The following LUC7L3 variants were observed in gnomAD, a reference collection of about 807,000 sequenced individuals.
The protein encoded by LUC7L3 is LUC7 like 3 pre-mRNA splicing factor.
A neutral mutation model predicts 66.8 loss-of-function variants in LUC7L3; 6 were observed. The ratio of observed to expected loss-of-function variants is 0.09; its 90% CI spans 0.05 to 0.18. LUC7L3 has a LOEUF of 0.18. Ranked by LOEUF, LUC7L3 falls within the 10% of genes least tolerant of loss-of-function variation. The probability of loss-of-function intolerance (pLI) is 1.00; values close to 1 mark genes in which losing one functional copy is unlikely to be tolerated. For synonymous variants in LUC7L3, 160 were observed against 174.7 expected (o/e 0.92, Z 0.66); for missense variants, 341 against 531.1 (o/e 0.64, Z 3.52).
At chr17:50,721,183 T>TA (rs1597879654) in intron 1 of LUC7L3, among the ~76,000 whole-genome samples, 1 of 152,150 alleles carries the variant, frequency 6.6e-6, no homozygotes. Flanking sequence ...CTAAGTAAGG[T>TA]AAAAAACCAA....
chr17:50,746,606 C>G lies in LUC7L3; in HGVS notation c.1042C>G (p.Arg348Gly). 6.2e-7 allele frequency: 1 copy of G among 1,613,888 alleles called. No individual in the cohort carries two copies. The highest frequency in any genetic ancestry group is 8.5e-7 in the Non-Finnish European group (1 of 1,179,948). Residue 348 changes from arginine (R) to glycine (G), a missense_variant, in exon 9 of 10, where the codon CGG becomes GGG. Arg to Gly is a moderately radical substitution (Grantham distance 125, BLOSUM62 -2). Transcript: ENST00000505658. ...AGAAAGAAAACACAGATCTCGAAGT[C>G]GGGATCGAAGAAGATCAAAAAGCCG... ...RSERKHRSRS[R>G]DRRRSKSRDR...
intron 1 of LUC7L3, among the ~76,000 whole-genome samples, chr17:50,733,463 G>T (rs1350403126): frequency 6.7e-6 from 1 of 148,714 alleles, no homozygotes; most frequent in Non-Finnish European, 1.5e-5. Flanking sequence ...GTGCAGTGGC[G>T]CCATCTTGGC....
At chr17:50,735,599 A>G (rs1440089282) in intron 1 of LUC7L3, among the ~76,000 whole-genome samples, 1 of 151,930 alleles carries the variant, frequency 6.6e-6, no homozygotes, top group African/African-American at 2.4e-5. Context: ...TCGACCTCCC[A>G]GGCTCAAGCA....
Position 50,754,372 on chromosome 17 carries a change from CTG to C in LUC7L3, c.*3713_*3714del, listed in dbSNP as rs1371820753. The C allele has an allele frequency of 2.6e-5, 4 of 152,174 alleles. No individual in the cohort carries two copies. The highest frequency in any genetic ancestry group is 9.7e-5 in the African/African-American group (4 of 41,450). 9.4% of individuals were successfully genotyped at this position (152,174 alleles called of 1,614,324 possible). On this transcript the variant is annotated 3_prime_UTR_variant, in exon 10 of 10. Transcript: ENST00000505658. ...TCATGAGTGATTGTATTTGTATCCA[CTG>C]TTTTCTATTATTTTCGAGCAAGTCT...
At chr17:50,726,052 ATC>A (rs1459507178) in intron 1 of LUC7L3, among the ~76,000 whole-genome samples, 1 of 152,226 alleles carries the variant, frequency 6.6e-6, no homozygotes, top group Non-Finnish European at 1.5e-5. Context: ...ACTCTTGATA[ATC>A]TCTGCATGAG....
rs959861554 is a variant in LUC7L3, at chr17:50,755,437, G to A, written c.*4776G>A. On this transcript the variant is annotated 3_prime_UTR_variant, in exon 10 of 10. Coordinates refer to ENST00000505658, the MANE Select transcript of LUC7L3 (RefSeq NM_016424.5). ...AACATTTATTTTGAGATAAAGGAGA[G>A]CACTTTTAAGTTGAACCTGTAGTTT... 1 of 152,198 alleles carries A rather than the reference G, an allele frequency of 6.6e-6. No homozygotes were observed. The highest frequency in any genetic ancestry group is 1.5e-5 in the Non-Finnish European group (1 of 68,040). The allele number at this position is 152,198 out of a possible 1,614,324, so 9.4% of individuals were successfully genotyped here.
chr17:50,737,200 T>A (rs1970035082), intron 2 of LUC7L3, 174 bp downstream of exon 2: 1 of 637,966 alleles, frequency 1.6e-6, no homozygotes, highest in Non-Finnish European at 2.8e-6. Flanking sequence ...AATGTCAGTC[T>A]GATTAAACAT....
At chr17:50,749,477 C>A in intron 9 of LUC7L3, 1 of 762,922 alleles carries the variant, frequency 1.3e-6, no homozygotes, top group Non-Finnish European at 1.8e-6. Flanking sequence ...TGCTCTTTTA[C>A]ATAAGATCTT....
intron 1 of LUC7L3, among the ~76,000 whole-genome samples, chr17:50,734,707 G>A (rs1048855684): frequency 1.3e-5 from 2 of 152,154 alleles, no homozygotes; most frequent in Non-Finnish European, 2.9e-5. Context: ...ACAGTAGAAA[G>A]ATACTAAGAC....
intron 6 of LUC7L3, among the ~76,000 whole-genome samples, chr17:50,744,102 AT>A (rs1970517646): frequency 6.6e-6 from 1 of 152,206 alleles, no homozygotes; most frequent in Non-Finnish European, 1.5e-5. Flanking sequence ...GCCTGGTTTT[AT>A]TTTCATTTTT....
In LUC7L3 at chr17:50,736,410, T is replaced by C. The variant is rs560245948; in HGVS notation, c.100-550T>C. 5.3e-5 allele frequency among the ~76,000 whole-genome samples: 8 copies of C among 152,286 alleles called. No homozygotes were observed. The East Asian group carries it at 1.5e-3, about 29-fold the overall frequency. ...GAGTTTGAGACCAACCTGGGCAATG[T>C]AGCAAGTCCCCATCTTTCCAAAATA... On this transcript the variant is annotated intron_variant, in intron 1 of 9. Coordinates refer to ENST00000505658, the MANE Select transcript of LUC7L3 (RefSeq NM_016424.5).
intron 1 of LUC7L3, among the ~76,000 whole-genome samples, chr17:50,729,728 A>G (rs1969435355): frequency 6.6e-6 from 1 of 151,960 alleles, no homozygotes; most frequent in South Asian, 2.1e-4. Context: ...CCAGCTGGGA[A>G]TAATTTTTTT....
At chr17:50,731,431 G>C (rs1969598897) in intron 1 of LUC7L3, among the ~76,000 whole-genome samples, 1 of 152,166 alleles carries the variant, frequency 6.6e-6, no homozygotes, top group South Asian at 2.1e-4. Flanking sequence ...GCCTCCCAAA[G>C]TGCTGGGATT....
chr17:50,756,011 CAT>C lies in LUC7L3; in HGVS notation c.*5351_*5352del, dbSNP rs1313612315. The C allele has an allele frequency of 3.3e-5, 5 of 151,420 alleles. No individual in the cohort carries two copies. Among genetic ancestry groups the C allele is most frequent in the Non-Finnish European group, 7.3e-5 (5 of 68,048 alleles). The allele number at this position is 151,420 out of a possible 1,614,324, so 9.4% of individuals were successfully genotyped here. On this transcript the variant is annotated 3_prime_UTR_variant, in exon 10 of 10. Coordinates refer to ENST00000505658, the MANE Select transcript of LUC7L3 (RefSeq NM_016424.5). ...AAAGTCAAAAACAGGCTGTCAAATA[CAT>C]GATAAAAGGAAACGATTAAGACAAA...
chr17:50,745,895 G>A lies in LUC7L3; in HGVS notation c.869G>A (p.Arg290Lys). Reference protein sequence around the residue: ...EKERARDRERRKRSRSRSRHS... With the variant: ...EKERARDRERKKRSRSRSRHS... ...GAAAGGGCTCGTGACAGAGAAAGAA[G>A]AAAGAGAAGTCGTTCACGAAGTAGA... Residue 290 changes from arginine (R) to lysine (K), a missense_variant, in exon 8 of 10, where the codon AGA (arginine) becomes AAA (lysine). By Grantham distance (26) the Arg-to-Lys change is conservative. Coordinates refer to ENST00000505658, the MANE Select transcript of LUC7L3 (RefSeq NM_016424.5). The A allele has an allele frequency of 6.2e-7, 1 of 1,612,622 alleles. No individual in the cohort carries two copies. The highest frequency in any genetic ancestry group is 8.5e-7 in the Non-Finnish European group (1 of 1,179,212).
rs1485881282 is a variant in LUC7L3, at chr17:50,741,718, T to C, written c.413T>C (p.Val138Ala). ...KIQVLTDKIDVLLQQIEELGS... is the reference protein window; with the variant it reads ...KIQVLTDKIDALLQQIEELGS... ...CAGGTTCTAACAGACAAAATTGATGTACTTCTGCAACAGGTGAGAATTGTG... is the reference window on the plus strand; with the variant it reads ...CAGGTTCTAACAGACAAAATTGATGCACTTCTGCAACAGGTGAGAATTGTG... Residue 138 changes from valine to alanine, a missense_variant, in exon 5 of 10, where the codon GTA (valine) becomes GCA (alanine). Val to Ala is a moderately conservative substitution (Grantham distance 64). Coordinates refer to ENST00000505658, the MANE Select transcript of LUC7L3 (RefSeq NM_016424.5). The C allele has an allele frequency of 2.5e-6, 4 of 1,613,362 alleles. No homozygotes were observed. The African/African-American group carries it at 5.3e-5, about 22-fold the overall frequency.
intron 1 of LUC7L3, among the ~76,000 whole-genome samples, chr17:50,728,811 C>T (rs1485010618): frequency 6.6e-6 from 1 of 152,230 alleles, no homozygotes; most frequent in African/African-American, 2.4e-5. Flanking sequence ...GCCTCGGCCT[C>T]CCAAAGTGCT....
intron 6 of LUC7L3, 119 bp downstream of exon 6, chr17:50,743,929 C>A: frequency 1.4e-6 from 1 of 719,960 alleles, no homozygotes; most frequent in Non-Finnish European, 2.3e-6. Flanking sequence ...CAATTTGTAG[C>A]CCACAAGGTC....
rs561626527 is a variant in LUC7L3, at chr17:50,747,861, A to C, written c.1138+1159A>C. On this transcript the variant is annotated intron_variant, in intron 9 of 9. Transcript: ENST00000505658. ...CCTGCCAGATGTGCTAGTGTTTGCC[A>C]TTCAAGTTGAGAACTTGCTTCTGAT... Among the ~76,000 whole-genome samples, 3 of 152,322 alleles carry C rather than the reference A, an allele frequency of 2.0e-5. No individual in the cohort carries two copies. The East Asian group carries it at 5.8e-4, about 29-fold the overall frequency.
Sources: allele counts gnomAD v4.1 joint callset (sites outside exome capture counted in the v4.1 genomes callset), GRCh38; gene constraint gnomAD v4.1.1; transcripts MANE v1.5; gene names NCBI Gene and HGNC (gene_info 2026-07-23, HGNC 2026-07-21).